CDH19: variants seen among roughly 807,000 people sequenced by gnomAD.
CDH19 encodes the protein cadherin 19, also known as cadherin-19.
Under a neutral mutation model 64.2 loss-of-function variants are expected in CDH19, and 67 were observed. That is an observed-to-expected ratio of 1.04 (90% CI 0.86 to 1.28). The LOEUF (loss-of-function observed/expected upper bound fraction) is 1.28. CDH19 is among the 50% of genes most tolerant of loss of function. The pLI, the probability that CDH19 is intolerant of heterozygous loss-of-function variation, is 0.00. For synonymous variants in CDH19, 346 were observed against 319.3 expected, an observed-to-expected ratio of 1.08 and a Z score of -0.89; for missense variants, 1,030 against 929.0, an observed-to-expected ratio of 1.11 and a Z score of -1.41.
Position 66,509,246 on chromosome 18 carries a change from T to C in CDH19, c.1577A>G (p.Asp526Gly), listed in dbSNP as rs1024539391. 6.2e-7 allele frequency: 1 copy of C among 1,610,632 alleles called. No individual in the cohort carries two copies. The highest frequency in any genetic ancestry group is 8.5e-7 in the Non-Finnish European group (1 of 1,178,124). Residue 526 changes from aspartate (D) to glycine (G), a missense_variant and splice_region_variant, in exon 11 of 12, where the codon GAT becomes GGT. Asp to Gly is a moderately conservative substitution (Grantham distance 94). Coordinates refer to ENST00000262150, the MANE Select transcript of CDH19 (RefSeq NM_021153.4). ...ATTAGTCAAAATGACAGCTGTGTTA[T>C]CTAAAACAAAAATCCATGTGCATAA... The part of the protein sequence containing the change: ...NSSFTIIDNQ[D>G]NTAVILTNRT...
At chr18:66,548,325 A>G (rs1016841461) in intron 5 of CDH19, among the ~76,000 whole-genome samples, 5 of 150,324 alleles carry the variant, frequency 3.3e-5, no homozygotes, top group African/African-American at 1.2e-4. Context: ...GCGAAGCTCA[A>G]GGGAGAAGTT....
intron 11 of CDH19, among the ~76,000 whole-genome samples, chr18:66,508,640 CT>C (rs1212764980): frequency 6.6e-6 from 1 of 151,788 alleles, no homozygotes; most frequent in Admixed American, 6.6e-5. Context: ...AGATTGTCTC[CT>C]GGAGTATAAT....
chr18:66,535,328 T>G (rs915528712), intron 7 of CDH19, among the ~76,000 whole-genome samples: 3 of 151,614 alleles, frequency 2.0e-5, no homozygotes, highest in African/African-American at 7.2e-5. Flanking sequence ...AATTGATGGA[T>G]GCTAAATCTA....
At chr18:66,588,251 G>T (rs1055903675) in intron 1 of CDH19, among the ~76,000 whole-genome samples, 1 of 152,066 alleles carries the variant, frequency 6.6e-6, no homozygotes, top group African/African-American at 2.4e-5. Context: ...TCTAGGGTTG[G>T]TTCCCACCAA....
chr18:66,568,553 T>C lies in CDH19; in HGVS notation c.353A>G (p.Gln118Arg), dbSNP rs533476523. The C allele has an allele frequency of 2.1e-5, 34 of 1,612,406 alleles. No homozygotes were observed. The African/African-American group carries it at 3.6e-4, about 17-fold the overall frequency. Reference protein sequence around the residue: ...EERSLYILRAQVIDIATGRAV... With the variant: ...EERSLYILRARVIDIATGRAV... ...CCTTCCAGTAGCGATGTCTATTACC[T>C]GGGCTCTTAAGATGTAGAGGGATCG... The change falls in exon 3 of 12, where the codon CAG (glutamine) becomes CGG (arginine). Residue 118 changes from glutamine (Q) to arginine (R), a missense_variant. Coordinates refer to ENST00000262150, the MANE Select transcript of CDH19 (RefSeq NM_021153.4).
chr18:66,561,423 A>G (rs1239073194), intron 3 of CDH19, among the ~76,000 whole-genome samples: 1 of 152,146 alleles, frequency 6.6e-6, no homozygotes, highest in African/African-American at 2.4e-5. Context: ...ACGTAGCACG[A>G]GTTGTGTATA....
At chr18:66,534,585 C>T (rs1289434809) in intron 8 of CDH19, among the ~76,000 whole-genome samples, 1 of 151,748 alleles carries the variant, frequency 6.6e-6, no homozygotes, top group Non-Finnish European at 1.5e-5. Flanking sequence ...ATATTTATTT[C>T]TTTAAGCTTT....
At chr18:66,519,489 G>C (rs1362149283) in intron 9 of CDH19, among the ~76,000 whole-genome samples, 1 of 152,106 alleles carries the variant, frequency 6.6e-6, no homozygotes, top group Non-Finnish European at 1.5e-5. Flanking sequence ...GAGATCTTCA[G>C]CTATTGCACT....
At chr18:66,510,960 T>C (rs1985453349) in intron 10 of CDH19, among the ~76,000 whole-genome samples, 1 of 151,676 alleles carries the variant, frequency 6.6e-6, no homozygotes, top group Admixed American at 6.6e-5. Flanking sequence ...TGACAAAAAG[T>C]ATCTCTTACT....
chr18:66,524,569 T>TATATATATATAA (rs1276593665), intron 9 of CDH19, among the ~76,000 whole-genome samples: 8,308 of 134,680 alleles, frequency 0.062, 400 homozygotes, highest in Non-Finnish European at 0.082. Context: ...TATATATATA[T>TATATATATATAA]AAACATCATC....
At chr18:66,509,712 C>T (rs537741877) in intron 10 of CDH19, among the ~76,000 whole-genome samples, 3 of 151,592 alleles carry the variant, frequency 2.0e-5, no homozygotes, top group Admixed American at 6.6e-5. Context: ...ACATATGACA[C>T]GGTCTATTTT....
At chr18:66,509,280 A>C in intron 10 of CDH19, 34 bp from the exon 11 acceptor site, 1 of 1,595,642 alleles carries the variant, frequency 6.3e-7, no homozygotes. Context: ...AATTTTTTCA[A>C]CTACGTAAGA....
intron 1 of CDH19, among the ~76,000 whole-genome samples, chr18:66,585,787 TTCAAATTATTTGAATG>T (rs906230777): frequency 4.6e-4 from 70 of 152,278 alleles, no homozygotes; most frequent in African/African-American, 1.6e-3. Context: ...CACATGTATT[TTCAAATTATTTGAATG>T]TCATTATTTT....
rs549233082 is a variant in CDH19, at chr18:66,554,891, T to A, written c.491-367A>T. Among the ~76,000 whole-genome samples the A allele has an allele frequency of 2.2e-4, 33 of 151,976 alleles. No homozygotes were observed. The South Asian group carries it at 6.4e-3, about 30-fold the overall frequency. On this transcript the variant is annotated intron_variant, in intron 3 of 11. Coordinates refer to ENST00000262150, the MANE Select transcript of CDH19 (RefSeq NM_021153.4). ...AAATTAAAAGGAACTTGGAAATGCT[T>A]TTCACCAAAAATTATAGTGTAGCCT...
chr18:66,519,506 TC>T (rs759241675), intron 9 of CDH19, among the ~76,000 whole-genome samples: 2 of 152,178 alleles, frequency 1.3e-5, no homozygotes, highest in African/African-American at 4.8e-5. Context: ...CACTGTGTAA[TC>T]TTTTTGTTAT....
chr18:66,596,900 G>C (rs1384736621), intron 1 of CDH19, among the ~76,000 whole-genome samples: 2 of 150,018 alleles, frequency 1.3e-5, no homozygotes, highest in African/African-American at 4.9e-5. Context: ...GGCTAAAACG[G>C]TGAAACCCCG....
intron 1 of CDH19, among the ~76,000 whole-genome samples, chr18:66,579,051 G>C (rs1367325986): frequency 1.3e-5 from 2 of 151,794 alleles, no homozygotes; most frequent in Admixed American, 1.3e-4. Flanking sequence ...TGATGATTGT[G>C]CTCATTATCT....
intron 4 of CDH19, among the ~76,000 whole-genome samples, chr18:66,552,549 G>A (rs1263201960): frequency 1.1e-5 from 1 of 91,346 alleles, no homozygotes; most frequent in Non-Finnish European, 2.0e-5. Flanking sequence ...CTCCCTGTAT[G>A]TGACTCAGGG....
intron 5 of CDH19, among the ~76,000 whole-genome samples, chr18:66,545,803 C>T (rs918772944): frequency 2.0e-5 from 3 of 151,908 alleles, no homozygotes; most frequent in Admixed American, 2.0e-4. Context: ...CCTGGAAATG[C>T]AAGGAAATAT....
Sources: gnomAD v4.1 joint callset for allele counts (sites outside exome capture counted in the v4.1 genomes callset) on GRCh38, gnomAD v4.1.1 for gene constraint, MANE v1.5 for transcripts, NCBI Gene and HGNC (gene_info 2026-07-23, HGNC 2026-07-21) for gene names.